Variants in IP6K2 observed in about 807,000 individuals in gnomAD.
The protein encoded by IP6K2 is ATP:1D-myo-inositol-hexakisphosphate phosphotransferase.
A neutral mutation model predicts 43.3 loss-of-function variants in IP6K2; 9 were observed. That is an observed-to-expected ratio of 0.21 (90% CI 0.13 to 0.36). The LOEUF (loss-of-function observed/expected upper bound fraction) is 0.36. IP6K2 is among the 10% of genes least tolerant of loss of function. IP6K2 has a pLI of 1.00. For missense variants in IP6K2, 332 were observed against 538.4 expected, an observed-to-expected ratio of 0.62 and a Z score of 3.79; for synonymous variants, 209 against 202.4, an observed-to-expected ratio of 1.03 and a Z score of -0.28.
chr3:48,710,619 T>C (rs565718331), intron 1 of IP6K2, among the ~76,000 whole-genome samples: 1 of 152,006 alleles, frequency 6.6e-6, no homozygotes, highest in African/African-American at 2.4e-5. Context: ...TTAGTTTAGT[T>C]TTTTTTTTGA....
intron 1 of IP6K2, among the ~76,000 whole-genome samples, chr3:48,711,971 A>G (rs924258109): frequency 1.3e-5 from 2 of 152,182 alleles, no homozygotes; most frequent in Non-Finnish European, 2.9e-5. Context: ...GGAAGGAACC[A>G]TGGCACAGTC....
At chr3:48,707,413 C>A (rs139637714) in intron 1 of IP6K2, among the ~76,000 whole-genome samples, 296 of 152,224 alleles carry the variant, frequency 1.9e-3, no homozygotes, top group Middle Eastern at 0.01. Flanking sequence ...AAGGTCAGAG[C>A]CCTCAATAGC....
chr3:48,697,123 T>C (rs1355663061), intron 1 of IP6K2, among the ~76,000 whole-genome samples: 1 of 151,168 alleles, frequency 6.6e-6, no homozygotes, highest in Non-Finnish European at 1.5e-5. Flanking sequence ...CAGGTTCACG[T>C]CATTCTCCTG....
At chr3:48,711,583 TG>T (rs2080520204) in intron 1 of IP6K2, 1 of 152,218 alleles carries the variant, frequency 6.6e-6, no homozygotes, top group Non-Finnish European at 1.5e-5. Context: ...GGCACTTGCC[TG>T]GAAGAACAGA....
intron 1 of IP6K2, chr3:48,715,427 A>G: frequency 6.5e-7 from 1 of 1,536,218 alleles, no homozygotes; most frequent in Admixed American, 2.0e-5. Context: ...GAGACTGGCA[A>G]AGGTTCATCA....
intron 1 of IP6K2, among the ~76,000 whole-genome samples, chr3:48,711,610 G>T (rs2107063276): frequency 6.6e-6 from 1 of 152,310 alleles, no homozygotes; most frequent in South Asian, 2.1e-4. Flanking sequence ...TTCAAGGAAT[G>T]ACACCTTTTA....
chr3:48,714,349 G>A (rs748217898), intron 1 of IP6K2, among the ~76,000 whole-genome samples: 1 of 151,802 alleles, frequency 6.6e-6, no homozygotes, highest in Non-Finnish European at 1.5e-5. Flanking sequence ...TTACTGGCGT[G>A]AGCCACCACG....
intron 2 of IP6K2, chr3:48,694,764 C>T: frequency 2.0e-6 from 3 of 1,527,212 alleles, no homozygotes; most frequent in Non-Finnish European, 2.6e-6. Context: ...AAAATCCTCC[C>T]AAAGTCTTCC....
intron 1 of IP6K2, among the ~76,000 whole-genome samples, chr3:48,708,805 C>T (rs1223210342): frequency 6.6e-6 from 1 of 152,158 alleles, no homozygotes; most frequent in African/African-American, 2.4e-5. Context: ...CGTGTGGTGG[C>T]TCACACACGT....
At chr3:48,715,853 G>C (rs2081131578) in intron 1 of IP6K2, among the ~76,000 whole-genome samples, 1 of 147,898 alleles carries the variant, frequency 6.8e-6, no homozygotes, top group Admixed American at 6.8e-5. Context: ...TAAATCTATC[G>C]AAATGACAAT....
chr3:48,694,024 T>TAAAAAA, intron 2 of IP6K2: 23 of 1,404,566 alleles, frequency 1.6e-5, no homozygotes, highest in South Asian at 9.8e-5. Flanking sequence ...CTCCCAGGCC[T>TAAAAAA]CTCTGCCCCA....
intron 2 of IP6K2, chr3:48,694,060 G>A (rs1575610455): frequency 3.4e-6 from 5 of 1,454,782 alleles, no homozygotes; most frequent in South Asian, 3.0e-5. Context: ...CTCAGTCCTC[G>A]ACTGCTGCAG....
In IP6K2 at chr3:48,695,464, TG is replaced by T; in HGVS notation, c.-130-44del. On this transcript the variant is annotated intron_variant, in intron 1 of 5. Transcript: ENST00000328631. This position sits in a 1 kb window ranked among gnomAD's most constrained non-coding sequence, Gnocchi z 4.6. The stretch of plus-strand genomic sequence containing the variant: ...GATGACATGGGGGTTCGAAGTAGCG[TG>T]GGAAGTGCCTTAGAGCTGCTCACCC... The T allele has an allele frequency of 1.4e-6, 2 of 1,398,582 alleles. No individual in the cohort carries two copies. Among genetic ancestry groups the T allele is most frequent in the Non-Finnish European group, 1.9e-6 (2 of 1,074,320 alleles). 86.6% of individuals were successfully genotyped at this position (1,398,582 alleles called of 1,614,324 possible).
At chr3:48,691,587 G>A (rs986821003) in intron 3 of IP6K2, 105 bp from the exon 4 acceptor site, 28 of 752,514 alleles carry the variant, frequency 3.7e-5, no homozygotes, top group Non-Finnish European at 4.3e-5. Flanking sequence ...AGGCCGAGAT[G>A]GGCAGATCAC....
intron 2 of IP6K2, chr3:48,693,735 G>A: frequency 9.6e-7 from 1 of 1,040,688 alleles, no homozygotes; most frequent in Non-Finnish European, 1.2e-6. Flanking sequence ...GCTTCCCACA[G>A]TGCCCCCACA....
intron 1 of IP6K2, among the ~76,000 whole-genome samples, chr3:48,714,120 AAAAAC>A (rs567187645): frequency 2.4e-4 from 36 of 152,346 alleles, no homozygotes; most frequent in Non-Finnish European, 4.0e-4. Context: ...CCGTCTCATT[AAAAAC>A]AAAACAAAAC....
chr3:48,694,737 C>A, intron 2 of IP6K2: 2 of 1,509,216 alleles, frequency 1.3e-6, no homozygotes, highest in South Asian at 1.3e-5. Context: ...AAAAAGCAGG[C>A]GGCAAGTATT....
chr3:48,697,842 C>T (rs1024369962), intron 1 of IP6K2, among the ~76,000 whole-genome samples: 20 of 152,176 alleles, frequency 1.3e-4, no homozygotes, highest in Non-Finnish European at 2.9e-4. Flanking sequence ...CCACGCCTAA[C>T]TAATATTTTC....
At chr3:48,705,201 C>T (rs983359961) in intron 1 of IP6K2, among the ~76,000 whole-genome samples, 4 of 152,074 alleles carry the variant, frequency 2.6e-5, no homozygotes, top group African/African-American at 9.7e-5. Flanking sequence ...CTCAGCCTCC[C>T]AAAGTGCTGG....
Sources: gnomAD v4.1 joint callset for allele counts (sites outside exome capture counted in the v4.1 genomes callset) on GRCh38, gnomAD v4.1.1 for gene constraint, Gnocchi (gnomAD v3.1) non-coding constraint, MANE v1.5 for transcripts, NCBI Gene and HGNC (gene_info 2026-07-23, HGNC 2026-07-21) for gene names.